The following ACTR3B variants were observed in gnomAD, a reference collection of about 807,000 sequenced individuals.
ACTR3B encodes the protein actin-related protein 3B.
Under a neutral mutation model 59.0 loss-of-function variants are expected in ACTR3B, and 8 were observed. That is an observed-to-expected ratio of 0.14 (90% CI 0.08 to 0.24). The LOEUF (loss-of-function observed/expected upper bound fraction) is 0.24, where lower values mean the gene tolerates loss of function less well. ACTR3B is among the 10% of genes least tolerant of loss of function. ACTR3B has a pLI of 1.00. For synonymous variants in ACTR3B, 148 were observed against 197.9 expected, an observed-to-expected ratio of 0.75 and a Z score of 2.12; for missense variants, 245 against 552.3, an observed-to-expected ratio of 0.44 and a Z score of 5.58.
chr7:152,800,371 A>G (rs1447670177), intron 2 of ACTR3B, among the ~76,000 whole-genome samples, 160 bp from the exon 3 acceptor site: 1 of 152,300 alleles, frequency 6.6e-6, no homozygotes, highest in African/African-American at 2.4e-5. Flanking sequence ...GTATTATTTT[A>G]TGTACTCATT....
chr7:152,761,683 AATTCCCCATATCGAGTGT>A (rs2098089814), intron 1 of ACTR3B, among the ~76,000 whole-genome samples: 1 of 152,196 alleles, frequency 6.6e-6, no homozygotes, highest in Non-Finnish European at 1.5e-5. Flanking sequence ...TCTCCATATG[AATTCCCCATATCGAGTGT>A]ATGGCCAGAA....
chr7:152,840,382 C>T (rs1242108993), intron 9 of ACTR3B, among the ~76,000 whole-genome samples: 3 of 152,156 alleles, frequency 2.0e-5, no homozygotes, highest in Non-Finnish European at 2.9e-5. Context: ...CCGGTGCTGA[C>T]GTCATTACCC....
At chr7:152,790,941 A>T (rs112414433) in intron 2 of ACTR3B, among the ~76,000 whole-genome samples, 9,760 of 152,084 alleles carry the variant, frequency 0.064, 413 homozygotes, top group South Asian at 0.12. Context: ...TTTTCTTGGT[A>T]ACCCACATCC....
chr7:152,806,671 C>G lies in ACTR3B; in HGVS notation c.336+4940C>G, dbSNP rs143155051. Among the ~76,000 whole-genome samples, 511 of 148,456 alleles carry G rather than the reference C, an allele frequency of 3.4e-3. 2 individuals are homozygous for G. The highest frequency in any genetic ancestry group is 0.012 in the African/African-American group (474 of 38,170). ...GGAGGAGGGTGTTAAGGGCAGGAGG[C>G]AAGTCTACTACTTGAGTCTACCTCA... On this transcript the variant is annotated intron_variant, in intron 4 of 11. Transcript: ENST00000256001.
At chr7:152,796,873 T>G (rs1379732852) in intron 2 of ACTR3B, among the ~76,000 whole-genome samples, 1,394 of 106,056 alleles carry the variant, frequency 0.013, 19 homozygotes, top group African/African-American at 0.05. Flanking sequence ...TTTTTTTTTT[T>G]TTTTTTTTTT....
At chr7:152,821,672 C>T (rs1014705635) in intron 7 of ACTR3B, among the ~76,000 whole-genome samples, 12 of 152,104 alleles carry the variant, frequency 7.9e-5, no homozygotes, top group Non-Finnish European at 1.3e-4. Flanking sequence ...CTGATGTGCT[C>T]GATGTGACTG....
intron 1 of ACTR3B, among the ~76,000 whole-genome samples, chr7:152,765,131 TC>T (rs67990653): frequency 2.2e-5 from 2 of 91,922 alleles, no homozygotes; most frequent in East Asian, 3.8e-4. Flanking sequence ...TTTTTTTTTT[TC>T]CGGAGACAGA....
intron 2 of ACTR3B, among the ~76,000 whole-genome samples, chr7:152,799,463 G>C (rs2098227704): frequency 6.6e-6 from 1 of 152,180 alleles, no homozygotes; most frequent in African/African-American, 2.4e-5. Context: ...TAATAAAATA[G>C]TGTGCAAAAG....
intron 9 of ACTR3B, among the ~76,000 whole-genome samples, chr7:152,842,296 T>C (rs1279578674): frequency 1.3e-5 from 2 of 151,936 alleles, no homozygotes; most frequent in African/African-American, 4.8e-5. Flanking sequence ...GTTATAACAG[T>C]GTGTTATACT....
chr7:152,784,645 G>A (rs1240666962), intron 2 of ACTR3B, among the ~76,000 whole-genome samples: 1 of 152,190 alleles, frequency 6.6e-6, no homozygotes. Flanking sequence ...TGTTATCATA[G>A]TCTGGAGGTT....
chr7:152,759,839 C>T lies in ACTR3B; in HGVS notation c.-44C>T, dbSNP rs1395995522. On this transcript the variant is annotated 5_prime_UTR_variant, in exon 1 of 12. Transcript: ENST00000256001. ...GGCGGCGGAGCGGACGGCGACGGGG[C>T]GCTCTCGGGCTGCCGGCGGGGCCGA... The T allele has an allele frequency of 2.3e-5, 28 of 1,220,272 alleles. No individual in the cohort carries two copies. The highest frequency in any genetic ancestry group is 2.8e-5 in the Non-Finnish European group (27 of 977,920). 75.6% of individuals were successfully genotyped at this position (1,220,272 alleles called of 1,614,324 possible). A position where few individuals can be genotyped will look rare whatever the true frequency, so the allele number is the denominator to read the frequency against.
At chr7:152,796,412 C>T (rs1215765606) in intron 2 of ACTR3B, among the ~76,000 whole-genome samples, 1,060 of 147,508 alleles carry the variant, frequency 7.2e-3, no homozygotes, top group African/African-American at 0.026. Context: ...CAAATTTGGT[C>T]TCCAATTTGG....
At chr7:152,805,051 G>A (rs112642685) in intron 4 of ACTR3B, among the ~76,000 whole-genome samples, 2,226 of 151,990 alleles carry the variant, frequency 0.015, 40 homozygotes, top group African/African-American at 0.034. Context: ...CATTGTTCTG[G>A]CTTGTACCCT....
rs142260998 is a variant in ACTR3B at position 152,780,844 on chromosome 7, A to ATTT, written c.45-2327_45-2325dup. Reference sequence around the variant, plus strand: ...TTGTTTGTTTTTTTTAACTTTTCAGATTTTTTTTTTTTTTTTTTCGAGACA... The same window carrying ATTT: ...TTGTTTGTTTTTTTTAACTTTTCAGATTTTTTTTTTTTTTTTTTTTTCGAGACA... On this transcript the variant is annotated intron_variant, in intron 1 of 11. Coordinates refer to ENST00000256001, the MANE Select transcript of ACTR3B (RefSeq NM_020445.6). 6.0e-5 allele frequency among the ~76,000 whole-genome samples: 8 copies of ATTT among 132,866 alleles called. No homozygotes were observed. The South Asian group carries it at 9.6e-4, about 16-fold the overall frequency. The allele number at this position is 132,866 out of a possible 152,430, so 87.2% of individuals were successfully genotyped here.
chr7:152,797,638 C>G (rs2098221922), intron 2 of ACTR3B, among the ~76,000 whole-genome samples: 1 of 152,122 alleles, frequency 6.6e-6, no homozygotes, highest in African/African-American at 2.4e-5. Context: ...TTTCTCCTAT[C>G]TAACTGTAGT....
intron 9 of ACTR3B, among the ~76,000 whole-genome samples, chr7:152,837,062 G>C (rs1473889904): frequency 6.6e-6 from 1 of 152,248 alleles, no homozygotes; most frequent in Non-Finnish European, 1.5e-5. Flanking sequence ...TGTAGTCTCA[G>C]CTACTTGGGA....
chr7:152,766,243 G>A (rs1403179712), intron 1 of ACTR3B, among the ~76,000 whole-genome samples: 2 of 152,192 alleles, frequency 1.3e-5, no homozygotes, highest in Non-Finnish European at 2.9e-5. Context: ...CAGTGCAGCC[G>A]TGCAGGATGC....
At chr7:152,785,525 G>GA (rs1203130010) in intron 2 of ACTR3B, among the ~76,000 whole-genome samples, 18 of 139,522 alleles carry the variant, frequency 1.3e-4, no homozygotes, top group African/African-American at 4.1e-4. Flanking sequence ...AGAGAAGAGA[G>GA]AGAAGAGAGG....
At chr7:152,850,445 C>T (rs1487698123) in intron 9 of ACTR3B, among the ~76,000 whole-genome samples, 2 of 152,216 alleles carry the variant, frequency 1.3e-5, no homozygotes, top group Non-Finnish European at 2.9e-5. Context: ...CTGGTGGCTT[C>T]TCCAGGTAGA....
Sources: allele counts gnomAD v4.1 joint callset (sites outside exome capture counted in the v4.1 genomes callset), GRCh38; gene constraint gnomAD v4.1.1; transcripts MANE v1.5; gene names NCBI Gene and HGNC (gene_info 2026-07-23, HGNC 2026-07-21).